Variants in SPMIP9 observed in about 807,000 individuals in gnomAD.
SPMIP9 encodes protein SPMIP9.
the SPMIP9 span, chr2:88,529,262 C>G: frequency 1.5e-5 from 24 of 1,613,992 alleles, no homozygotes; most frequent in Non-Finnish European, 1.9e-5. Flanking sequence ...TTTCACATAT[C>G]CAGCTTCCCA....
the SPMIP9 span, among the ~76,000 whole-genome samples, chr2:88,526,717 T>C: frequency 6.6e-6 from 1 of 152,040 alleles, no homozygotes; most frequent in African/African-American, 2.4e-5. Context: ...CAGGCTGGAG[T>C]GCAGTGGCGC....
the SPMIP9 span, among the ~76,000 whole-genome samples, chr2:88,525,105 C>T: frequency 2.6e-5 from 4 of 152,172 alleles, no homozygotes; most frequent in African/African-American, 9.7e-5. Context: ...GGGCCTTCCT[C>T]TATCCAGGGG....
chr2:88,525,744 C>A, the SPMIP9 span: 1 of 1,496,518 alleles, frequency 6.7e-7, no homozygotes, highest in Non-Finnish European at 9.3e-7. Flanking sequence ...CTGGAAGGGC[C>A]AGGCTCTTTC....
chr2:88,525,519 G>A, the SPMIP9 span: 5 of 1,031,302 alleles, frequency 4.8e-6, no homozygotes, highest in Non-Finnish European at 7.7e-6. Flanking sequence ...CAGGGAAGAT[G>A]GGGAGGAGTG....
the SPMIP9 span, chr2:88,526,453 C>G: frequency 6.2e-7 from 1 of 1,614,114 alleles, no homozygotes; most frequent in Non-Finnish European, 8.5e-7. Context: ...GGTCGACTAT[C>G]AGCCCTACAG....
At chr2:88,529,530 C>T in the SPMIP9 span, 1 of 1,437,014 alleles carries the variant, frequency 7.0e-7, no homozygotes, top group Non-Finnish European at 9.5e-7. Context: ...AATCCTATGA[C>T]CTTGGAGTGC....
chr2:88,525,715 G>A, the SPMIP9 span: 2 of 1,611,596 alleles, frequency 1.2e-6, no homozygotes, highest in Non-Finnish European at 1.7e-6. Flanking sequence ...TCTCAGGGTT[G>A]GGTAGCCTCA....
chr2:88,526,585 T>G, the SPMIP9 span: 1 of 1,037,314 alleles, frequency 9.6e-7, no homozygotes, highest in African/African-American at 1.6e-5. Context: ...TGTGGACATT[T>G]GGGCCCTTGT....
chr2:88,529,431 C>T, the SPMIP9 span: 1 of 1,613,904 alleles, frequency 6.2e-7, no homozygotes. Context: ...GTCAAGGTCC[C>T]CATCTTGAAC....
chr2:88,526,347 G>A, the SPMIP9 span: 1 of 1,372,040 alleles, frequency 7.3e-7, no homozygotes, highest in East Asian at 2.3e-5. Flanking sequence ...CCATTGAATG[G>A]CTTTAAGTGG....
the SPMIP9 span, chr2:88,525,578 A>C: frequency 1.3e-6 from 2 of 1,597,400 alleles, no homozygotes; most frequent in Non-Finnish European, 1.7e-6. Flanking sequence ...GCTTGAAGAT[A>C]GTGGCTACTT....
the SPMIP9 span, among the ~76,000 whole-genome samples, chr2:88,527,721 C>G: frequency 1.3e-5 from 2 of 152,164 alleles, no homozygotes; most frequent in African/African-American, 2.4e-5. Flanking sequence ...TTCCCACTCC[C>G]AAATGCTGCA....
the SPMIP9 span, chr2:88,528,957 A>C: frequency 7.7e-7 from 1 of 1,292,854 alleles, no homozygotes; most frequent in Non-Finnish European, 1.1e-6. Flanking sequence ...TGAAAAAATA[A>C]AGAAGGGTGT....
chr2:88,527,588 G>T, the SPMIP9 span, among the ~76,000 whole-genome samples: 2 of 151,946 alleles, frequency 1.3e-5, no homozygotes, highest in South Asian at 2.1e-4. Flanking sequence ...AAACATTATG[G>T]CATATTATTC....
At chr2:88,527,428 G>GGC in the SPMIP9 span, among the ~76,000 whole-genome samples, 21 of 150,864 alleles carry the variant, frequency 1.4e-4, no homozygotes, top group Admixed American at 9.3e-4. Flanking sequence ...TGGGAGGTGG[G>GGC]GCGAGACTCT....
the SPMIP9 span, chr2:88,529,252 T>G: frequency 6.2e-7 from 1 of 1,614,114 alleles, no homozygotes; most frequent in Non-Finnish European, 8.5e-7. Context: ...GCACCTGCCA[T>G]TTCACATATC....
chr2:88,526,437 C>G, the SPMIP9 span: 1 of 1,614,080 alleles, frequency 6.2e-7, no homozygotes, highest in Non-Finnish European at 8.5e-7. Flanking sequence ...ACCAAAGCTC[C>G]CACATGGTCG....
chr2:88,528,955 TAAAG>T, the SPMIP9 span: 8 of 1,278,332 alleles, frequency 6.3e-6, no homozygotes, highest in Admixed American at 7.6e-5. Context: ...TTTGAAAAAA[TAAAG>T]AAGGGTGTGC....
At chr2:88,529,231 C>T in the SPMIP9 span, 1 of 1,614,072 alleles carries the variant, frequency 6.2e-7, no homozygotes, top group Non-Finnish European at 8.5e-7. Flanking sequence ...AGGACGAGCG[C>T]AAGTTCACCA....
Sources: gnomAD v4.1 joint callset for allele counts (sites outside exome capture counted in the v4.1 genomes callset) on GRCh38, gnomAD v4.1.1 for gene constraint, MANE v1.5 for transcripts, NCBI Gene and HGNC (gene_info 2026-07-23, HGNC 2026-07-21) for gene names.